PLAGL1: variants seen among roughly 807,000 people sequenced by gnomAD.
PLAGL1 encodes the protein zinc finger protein PLAGL1.
Under a neutral mutation model 4.6 loss-of-function variants are expected in PLAGL1, and 1 was observed. That is an observed-to-expected ratio of 0.22 (90% CI 0.08 to 1.03). The LOEUF is 1.03. PLAGL1 is among the 50% of genes least tolerant of loss of function. The pLI is 0.58. For synonymous variants in PLAGL1, 240 were observed against 237.8 expected, an observed-to-expected ratio of 1.01 and a Z score of -0.08; for missense variants, 464 against 570.4, an observed-to-expected ratio of 0.81 and a Z score of 1.90.
Position 144,036,457 on chromosome 6 carries a change from G to A in PLAGL1, c.-151+28011C>T, listed in dbSNP as rs573607995. Among the ~76,000 whole-genome samples, 114 of 152,238 alleles carry A rather than the reference G, an allele frequency of 7.5e-4. No individual in the cohort carries two copies. Among genetic ancestry groups the A allele is most frequent in the African/African-American group, 2.5e-3 (105 of 41,534 alleles). The stretch of plus-strand genomic sequence containing the variant: ...AAATGGGCAAAAATTCCACAGCCGA[G>A]CCTGCCCAGACAAGGGGACCCGCTA... On this transcript the variant is annotated intron_variant, in intron 1 of 3. Transcript: ENST00000437412. The surrounding 1 kb of genome is among the most constrained non-coding windows in gnomAD (Gnocchi z 5.1).
intron 3 of PLAGL1, chr6:143,967,679 G>A (rs1428325338): frequency 6.6e-6 from 1 of 152,160 alleles, no homozygotes; most frequent in Non-Finnish European, 1.5e-5. Context: ...ATGAAGTGAT[G>A]AGGGCATTTG....
rs901593069 is a variant in PLAGL1 at position 143,960,316 on chromosome 6, G to C, written c.-325+153C>G. 2.0e-5 allele frequency among the ~76,000 whole-genome samples: 3 copies of C among 152,184 alleles called. No homozygotes were observed. The highest frequency in any genetic ancestry group is 7.2e-5 in the African/African-American group (3 of 41,450). ...AAAGGGCTAAAAGAACCCTGTTCTC[G>C]GGTATTCTGCAGTTTGTGGAGGAAA... On this transcript the variant is annotated intron_variant, in intron 6 of 7. Coordinates refer to ENST00000674357, the MANE Select transcript of PLAGL1 (RefSeq NM_001317162.2). This position sits in a 1 kb window ranked among gnomAD's most constrained non-coding sequence, Gnocchi z 5.7.
At position 144,014,364 on chromosome 6, in the gene PLAGL1, G is replaced by A. The variant is rs187586386; in HGVS notation, c.-150-45386C>T. On this transcript the variant is annotated intron_variant, in intron 1 of 3. Coordinates refer to the PLAGL1 transcript ENST00000437412. ...AGAATTGCTTTAACCTTAAGGTGGA[G>A]GTTGCAGTGAGCCAAGATTGCACCA... 1.2e-4 allele frequency among the ~76,000 whole-genome samples: 18 copies of A among 152,104 alleles called. No homozygotes were observed. The East Asian group carries it at 1.9e-3, about 16-fold the overall frequency.
intron 1 of PLAGL1, among the ~76,000 whole-genome samples, chr6:144,024,695 A>G (rs1448670219): frequency 6.6e-6 from 1 of 152,242 alleles, no homozygotes; most frequent in Non-Finnish European, 1.5e-5. Context: ...ACCAGAAAGT[A>G]AGGAAGTGCT....
chr6:143,942,670 G>C lies in PLAGL1; in HGVS notation c.153-7C>G. Reference sequence around the variant, plus strand: ...AGAATGGGTAGCCATATGCCTAGGAGCAGAAGGAGAAATTTCACAATAGAG... The same window carrying C: ...AGAATGGGTAGCCATATGCCTAGGACCAGAAGGAGAAATTTCACAATAGAG... On this transcript the variant is annotated splice_polypyrimidine_tract_variant and splice_region_variant and intron_variant, in intron 7 of 7. Coordinates refer to ENST00000674357, the MANE Select transcript of PLAGL1 (RefSeq NM_001317162.2). The surrounding 1 kb of genome is among the most constrained non-coding windows in gnomAD (Gnocchi z 7.6). 6.2e-7 allele frequency: 1 copy of C among 1,601,606 alleles called. No homozygotes were observed. The highest frequency in any genetic ancestry group is 8.5e-7 in the Non-Finnish European group (1 of 1,173,518).
At chr6:144,014,289 G>A (rs1199393175) in intron 1 of PLAGL1, among the ~76,000 whole-genome samples, 1 of 152,010 alleles carries the variant, frequency 6.6e-6, no homozygotes, top group Non-Finnish European at 1.5e-5. Flanking sequence ...AATTTGCCAG[G>A]CATAGTGGTG....
intron 1 of PLAGL1, among the ~76,000 whole-genome samples, chr6:144,003,900 A>C (rs1793545056): frequency 6.6e-6 from 1 of 152,248 alleles, no homozygotes; most frequent in Admixed American, 6.5e-5. Context: ...ACTCCTTGGT[A>C]TATAGCTGAG....
intron 1 of PLAGL1, among the ~76,000 whole-genome samples, chr6:144,042,992 T>C (rs929732051): frequency 6.6e-6 from 1 of 152,204 alleles, no homozygotes; most frequent in African/African-American, 2.4e-5. Flanking sequence ...TATTGGTGTA[T>C]AGGAATGCTT....
rs749380636 is a variant in PLAGL1, at chr6:144,008,118, G to A, written c.-612C>T. Reference sequence around the variant, plus strand: ...GCGGGGCGACGACCCCCGGAGCTCAGGCGAGGCCGCTCGGGCGTGCCACCT... The same window carrying A: ...GCGGGGCGACGACCCCCGGAGCTCAAGCGAGGCCGCTCGGGCGTGCCACCT... On this transcript the variant is annotated 5_prime_UTR_variant, in exon 1 of 8. Transcript: ENST00000674357. The surrounding 1 kb of genome is among the most constrained non-coding windows in gnomAD (Gnocchi z 6.9). 2 of 151,838 alleles carry A rather than the reference G, an allele frequency of 1.3e-5. No homozygotes were observed. The highest frequency in any genetic ancestry group is 1.3e-4 in the Admixed American group (2 of 15,234). 9.4% of individuals were successfully genotyped at this position (151,838 alleles called of 1,614,324 possible).
intron 1 of PLAGL1, among the ~76,000 whole-genome samples, chr6:144,014,305 C>T (rs1795415968): frequency 1.3e-5 from 2 of 152,036 alleles, no homozygotes; most frequent in South Asian, 4.2e-4. Flanking sequence ...TGGTGCACAC[C>T]TGTAATCCCA....
In PLAGL1 at chr6:143,957,495, TG is replaced by T. The variant is rs976344820; in HGVS notation, c.-325+2973del. On this transcript the variant is annotated intron_variant, in intron 6 of 7. Transcript: ENST00000674357. This position sits in a 1 kb window ranked among gnomAD's most constrained non-coding sequence, Gnocchi z 4.2. ...TTTTAGGGTCTGCTTCTATAGCTGA[TG>T]GCGGTGATCTCTTTTCCTGGGACTC... Among the ~76,000 whole-genome samples the T allele has an allele frequency of 1.8e-4, 27 of 152,362 alleles. No individual in the cohort carries two copies. Among genetic ancestry groups the T allele is most frequent in the South Asian group, 6.2e-4 (3 of 4,828 alleles).
intron 6 of PLAGL1, among the ~76,000 whole-genome samples, chr6:143,951,825 C>A (rs1258820132): frequency 6.6e-6 from 1 of 152,192 alleles, no homozygotes; most frequent in Admixed American, 6.5e-5. Flanking sequence ...AGTTCCAGGT[C>A]TGTGTGTTTA....
chr6:144,007,436 T>C (rs904401155), intron 1 of PLAGL1: 1 of 152,202 alleles, frequency 6.6e-6, no homozygotes, highest in Non-Finnish European at 1.5e-5. Context: ...CTATTTTTGA[T>C]TTTTATTGGT....
At chr6:144,044,063 T>C (rs1350217173) in intron 1 of PLAGL1, among the ~76,000 whole-genome samples, 1 of 152,218 alleles carries the variant, frequency 6.6e-6, no homozygotes, top group African/African-American at 2.4e-5. Context: ...TTGATTCTTC[T>C]CTCTTTTCTT....
At position 144,044,110 on chromosome 6, in the gene PLAGL1, G is replaced by A. The variant is rs149196253; in HGVS notation, c.-151+20358C>T. 7.7e-3 allele frequency among the ~76,000 whole-genome samples: 1,165 copies of A among 151,848 alleles called. 3 individuals are homozygous for A. The highest frequency in any genetic ancestry group is 0.012 in the Non-Finnish European group (806 of 67,940). ...TTGCTAGTGGTCTATCAATTTTGTC[G>A]ATCTTTTCAAAAACCAGGTCCTGGA... On this transcript the variant is annotated intron_variant, in intron 1 of 3. Transcript: ENST00000437412.
chr6:144,013,127 A>G (rs6937128), upstream of PLAGL1, among the ~76,000 whole-genome samples: 36,684 of 152,110 alleles, frequency 0.24, 4,628 homozygotes, highest in Admixed American at 0.35. The surrounding 1 kb of genome is among the most constrained non-coding windows in gnomAD (Gnocchi z 4.4). Flanking sequence ...TTTTTCTCTA[A>G]GTATTTGGAG....
In PLAGL1 at chr6:143,952,989, T is replaced by A. The variant is rs1339582761; in HGVS notation, c.-324-4529A>T. ...TGGCTGCCATGGCTGCAGACCTCAC[T>A]CCCATCATGGCCGGAAGGCAAGGCC... On this transcript the variant is annotated intron_variant, in intron 6 of 7. Transcript: ENST00000674357. This position sits in a 1 kb window ranked among gnomAD's most constrained non-coding sequence, Gnocchi z 6.1. Among the ~76,000 whole-genome samples, 2 of 152,212 alleles carry A rather than the reference T, an allele frequency of 1.3e-5. No individual in the cohort carries two copies. The highest frequency in any genetic ancestry group is 3.9e-4 in the East Asian group (2 of 5,194).
chr6:144,030,279 A>AG (rs1796709728), intron 1 of PLAGL1, among the ~76,000 whole-genome samples: 1 of 150,266 alleles, frequency 6.7e-6, no homozygotes, highest in Non-Finnish European at 1.5e-5. Context: ...AAAAAAAAAA[A>AG]AAAAGAAGAT....
intron 1 of PLAGL1, among the ~76,000 whole-genome samples, chr6:144,043,575 G>T (rs1797900666): frequency 6.6e-6 from 1 of 152,130 alleles, no homozygotes. Context: ...GATTTGGTTT[G>T]CCAGTATTTT....
Sources: gnomAD v4.1 joint callset for allele counts (sites outside exome capture counted in the v4.1 genomes callset) on GRCh38, gnomAD v4.1.1 for gene constraint, Gnocchi (gnomAD v3.1) non-coding constraint, MANE v1.5 for transcripts, NCBI Gene and HGNC (gene_info 2026-07-23, HGNC 2026-07-21) for gene names.